Variants in ALS2CL observed in about 807,000 individuals in gnomAD.
ALS2CL encodes the protein ALS2 C-terminal-like protein.
Under a neutral mutation model 127.9 loss-of-function variants are expected in ALS2CL, and 112 were observed. The observed-to-expected ratio is 0.88, with a 90% CI of 0.75 to 1.02. ALS2CL has a LOEUF of 1.02. Ranked by LOEUF, ALS2CL falls within the 50% of genes least tolerant of loss-of-function variation. ALS2CL has a pLI of 0.00. For missense variants in ALS2CL, 1,174 were observed against 1,236.7 expected, an observed-to-expected ratio of 0.95 and a Z score of 0.76; for synonymous variants, 519 against 527.6, an observed-to-expected ratio of 0.98 and a Z score of 0.22.
rs775662752 is a variant in ALS2CL, at chr3:46,689,397, ACCT to A, written c.41_43del (p.Glu14del). On this transcript the variant is annotated inframe_deletion, in exon 2 of 26. Coordinates refer to ENST00000318962, the MANE Select transcript of ALS2CL (RefSeq NM_147129.5). ...GACATGGGCGAGGGTGGCTGAGAAG[ACCT>A]CCTCCAGCCGCAGCAGAGCTGCCTC... The A allele has an allele frequency of 3.1e-6, 5 of 1,610,752 alleles. No individual in the cohort carries two copies. Among genetic ancestry groups the A allele is most frequent in the Middle Eastern group, 3.3e-4 (2 of 6,038 alleles).
rs1354828434 is a variant in ALS2CL at position 46,671,522 on chromosome 3, C to T, written c.2747G>A (p.Gly916Glu). Reference sequence around the variant, plus strand: ...TGTGAGCAGGAAGTCATACAGGCCTCCTGTGTGGTTGGGGTCCATCATGTC... The same window carrying T: ...TGTGAGCAGGAAGTCATACAGGCCTTCTGTGTGGTTGGGGTCCATCATGTC... ...IRDMMDPNHT[G>E]GLYDFLLTAL... The change falls in exon 25 of 26, where the codon GGA (glycine) becomes GAA (glutamate). Residue 916 changes from glycine to glutamate, a missense_variant. Gly to Glu is a moderately conservative substitution (Grantham distance 98, BLOSUM62 -2). Coordinates refer to ENST00000318962, the MANE Select transcript of ALS2CL (RefSeq NM_147129.5). 2 of 1,614,062 alleles carry T rather than the reference C, an allele frequency of 1.2e-6. No homozygotes were observed. Among genetic ancestry groups the T allele is most frequent in the Non-Finnish European group, 1.7e-6 (2 of 1,179,988 alleles).
At position 46,680,561 on chromosome 3, in the gene ALS2CL, G is replaced by A; in HGVS notation, c.1437-20C>T. 6.2e-7 allele frequency: 1 copy of A among 1,606,038 alleles called. No homozygotes were observed. Among genetic ancestry groups the A allele is most frequent in the Non-Finnish European group, 8.5e-7 (1 of 1,176,938 alleles). On this transcript the variant is annotated intron_variant, in intron 13 of 25. Transcript: ENST00000318962. Reference sequence around the variant, plus strand: ...TCACCTCTGGAAGGAGAGGAATGTGGCCAGAGTTGGATCAGACTCATTCCC... The same window carrying A: ...TCACCTCTGGAAGGAGAGGAATGTGACCAGAGTTGGATCAGACTCATTCCC...
Position 46,676,687 on chromosome 3 carries a change from C to T in ALS2CL, c.1983G>A (p.Leu661=), listed in dbSNP as rs374784712. The T allele has an allele frequency of 8.1e-6, 13 of 1,613,530 alleles. No individual in the cohort carries two copies. In the African/African-American group the frequency reaches 1.6e-4, roughly 20 times the overall value. Residue 661 remains leucine (L), a synonymous_variant, in exon 18 of 26, where the codon CTG becomes CTA. Coordinates refer to ENST00000318962, the MANE Select transcript of ALS2CL (RefSeq NM_147129.5). The stretch of plus-strand genomic sequence containing the variant: ...GGGCCTTGGGCTCCCGGTGCTGCAG[C>T]AGCTCCTCCAGGATGTCTTCCATAC... ...VGSMEDILEE[L]LQHREPKALQ... is the part of the protein sequence containing the mutation.
intron 14 of ALS2CL, chr3:46,679,860 C>A: frequency 6.4e-6 from 1 of 157,212 alleles, no homozygotes; most frequent in Admixed American, 6.1e-5. Context: ...CCCACATTCC[C>A]CAGGCACCTG....
intron 13 of ALS2CL, chr3:46,680,976 G>A (rs1699275991): frequency 1.7e-6 from 1 of 591,046 alleles, no homozygotes; most frequent in South Asian, 2.0e-5. Context: ...GCCAGCAAGG[G>A]CTGCAGTTTT....
In ALS2CL at chr3:46,686,409, C is replaced by A. The variant is rs139526721; in HGVS notation, c.565G>T (p.Ala189Ser). ...TGCAGGTTCCCAAAGAGGGTGACTG[C>A]GTTCACCACCAGCTCCCGGGTTGGG... ...HHPTRELVVNAVTLFGNLQSF... is the reference protein window; with the variant it reads ...HHPTRELVVNSVTLFGNLQSF... Residue 189 changes from alanine to serine, a missense_variant, in exon 6 of 26, where the codon GCA becomes TCA. Ala to Ser is a moderately conservative substitution (Grantham distance 99). Transcript: ENST00000318962. This position sits in a 1 kb window ranked among gnomAD's most constrained non-coding sequence, Gnocchi z 4.3. The A allele has an allele frequency of 6.2e-7, 1 of 1,613,578 alleles. No individual in the cohort carries two copies. The highest frequency in any genetic ancestry group is 8.5e-7 in the Non-Finnish European group (1 of 1,179,814).
In ALS2CL at chr3:46,672,051, G is replaced by T; in HGVS notation, c.2535-18C>A. ...CCGTGGTCCTGCAGCAGGGTAGCTG[G>T]CTCCAGGTCAAGGCCCTTGGTTCAG... On this transcript the variant is annotated intron_variant, in intron 23 of 25. Transcript: ENST00000318962. 1 of 1,614,034 alleles carries T rather than the reference G, an allele frequency of 6.2e-7. No individual in the cohort carries two copies. Among genetic ancestry groups the T allele is most frequent in the Non-Finnish European group, 8.5e-7 (1 of 1,180,016 alleles).
At chr3:46,679,367 A>G in intron 14 of ALS2CL, 80 bp from the exon 15 acceptor site, 1 of 1,248,598 alleles carries the variant, frequency 8.0e-7, no homozygotes, top group South Asian at 1.3e-5. Flanking sequence ...GAGATGGCCA[A>G]AGAAGGGAGA....
chr3:46,684,624 G>A (rs572624191), intron 7 of ALS2CL, among the ~76,000 whole-genome samples: 6 of 152,342 alleles, frequency 3.9e-5, no homozygotes, highest in Non-Finnish European at 7.3e-5. Context: ...TGGGGAGGAC[G>A]TGGGAGGCCC....
chr3:46,679,187 A>AG, intron 15 of ALS2CL, 23 bp downstream of exon 15: 1 of 1,547,648 alleles, frequency 6.5e-7, no homozygotes, highest in African/African-American at 1.4e-5. Flanking sequence ...CAGGGTGTGG[A>AG]GGGGGGCCTC....
In ALS2CL at chr3:46,683,925, G is replaced by A. The variant is rs940839139; in HGVS notation, c.845+64C>T. ...GGGGCCCAAGCCAGAGTCCCAGGGT[G>A]TGGGCAGGTGTCATGGGGGTAAAGG... On this transcript the variant is annotated intron_variant, in intron 8 of 25. Transcript: ENST00000318962. 86 of 1,613,128 alleles carry A rather than the reference G, an allele frequency of 5.3e-5. 1 individual carries two copies. In the South Asian group the frequency reaches 8.8e-4, roughly 16 times the overall value.
At chr3:46,691,499 C>T (rs933177272) in intron 1 of ALS2CL, among the ~76,000 whole-genome samples, 16 of 152,022 alleles carry the variant, frequency 1.1e-4, no homozygotes, top group African/African-American at 3.9e-4. Context: ...CTCTCTGACC[C>T]TAGAGATAGC....
Position 46,687,152 on chromosome 3 carries a change from C to T in ALS2CL, c.369-4G>A, listed in dbSNP as rs542917419. 30 of 1,558,620 alleles carry T rather than the reference C, an allele frequency of 1.9e-5. No individual in the cohort carries two copies. The highest frequency in any genetic ancestry group is 3.5e-5 in the South Asian group (3 of 85,684). On this transcript the variant is annotated splice_region_variant and splice_polypyrimidine_tract_variant and intron_variant, in intron 4 of 25. Transcript: ENST00000318962. The stretch of plus-strand genomic sequence containing the variant: ...CCGCTGGCCCCGCCAGTACTCGCTG[C>T]GTGTAGAGAGGGCCACGCACCACCT...
In ALS2CL at chr3:46,681,628, A is replaced by C. The variant is rs781452485; in HGVS notation, c.1176-30T>G. Reference sequence around the variant, plus strand: ...CAGCATGGTTGTGGGGGTGGGGATCAGCCCTGACCTGAGACGCCCATTACA... The same window carrying C: ...CAGCATGGTTGTGGGGGTGGGGATCCGCCCTGACCTGAGACGCCCATTACA... On this transcript the variant is annotated intron_variant, in intron 11 of 25. Coordinates refer to ENST00000318962, the MANE Select transcript of ALS2CL (RefSeq NM_147129.5). This position sits in a 1 kb window ranked among gnomAD's most constrained non-coding sequence, Gnocchi z 4.9. 1.2e-6 allele frequency: 2 copies of C among 1,610,420 alleles called. No individual in the cohort carries two copies. Among genetic ancestry groups the C allele is most frequent in the African/African-American group, 1.3e-5 (1 of 74,850 alleles).
chr3:46,683,070 T>G (rs1699476800), intron 10 of ALS2CL, 60 bp downstream of exon 10: 1 of 1,461,978 alleles, frequency 6.8e-7, no homozygotes, highest in Admixed American at 2.4e-5. Context: ...TGTGTGCTGC[T>G]CTCTGCCCCG....
Position 46,683,737 on chromosome 3 carries a change from G to C in ALS2CL, c.912+45C>G, listed in dbSNP as rs569221011. The C allele has an allele frequency of 5.0e-6, 8 of 1,602,420 alleles. No homozygotes were observed. The East Asian group carries it at 1.6e-4, about 31-fold the overall frequency. ...CATACTTCTGCCCTCTTCCTACCCT[G>C]TCCTCTGACCCCGCTCCCGCAGTTC... On this transcript the variant is annotated intron_variant, in intron 9 of 25. Coordinates refer to ENST00000318962, the MANE Select transcript of ALS2CL (RefSeq NM_147129.5).
At chr3:46,687,258 G>T in intron 4 of ALS2CL, 110 bp from the exon 5 acceptor site, 1 of 1,256,464 alleles carries the variant, frequency 8.0e-7, no homozygotes, top group Non-Finnish European at 1.1e-6. Flanking sequence ...GCCAGCCCCA[G>T]GCCCAAAACC....
At chr3:46,692,045 T>G (rs1700189052) in intron 1 of ALS2CL, among the ~76,000 whole-genome samples, 1 of 152,098 alleles carries the variant, frequency 6.6e-6, no homozygotes, top group Non-Finnish European at 1.5e-5. Flanking sequence ...TCCACATCTG[T>G]GGCCCCAAAG....
In ALS2CL at chr3:46,670,948, C is replaced by T; in HGVS notation, c.*36G>A. On this transcript the variant is annotated 3_prime_UTR_variant, in exon 26 of 26. Coordinates refer to ENST00000318962, the MANE Select transcript of ALS2CL (RefSeq NM_147129.5). This position sits in a 1 kb window ranked among gnomAD's most constrained non-coding sequence, Gnocchi z 5.5. ...TAATGAGGGACAGGCTGGCAGTGCC[C>T]TGCTCAGCTCTTCAGTCTGTCCAGG... is the stretch of plus-strand genomic sequence containing the variant. The T allele has an allele frequency of 6.3e-7, 1 of 1,590,730 alleles. No individual in the cohort carries two copies. Among genetic ancestry groups the T allele is most frequent in the South Asian group, 1.1e-5 (1 of 90,594 alleles).
Sources: allele counts gnomAD v4.1 joint callset (sites outside exome capture counted in the v4.1 genomes callset), GRCh38; gene constraint gnomAD v4.1.1; non-coding constraint Gnocchi (gnomAD v3.1); transcripts MANE v1.5; gene names NCBI Gene and HGNC (gene_info 2026-07-23, HGNC 2026-07-21).